Variants in CTSS observed in about 807,000 individuals in gnomAD.
The protein encoded by CTSS is cathepsin S.
In CTSS, 15 loss-of-function variants were observed where a neutral mutation model predicts 39.9. The observed-to-expected ratio is 0.38, with a 90% CI of 0.25 to 0.58. The LOEUF (loss-of-function observed/expected upper bound fraction) is 0.58, where lower values mean the gene tolerates loss of function less well. Ranked by LOEUF, CTSS falls within the 20% of genes least tolerant of loss-of-function variation. The pLI is 0.70. For synonymous variants in CTSS, 126 were observed against 138.2 expected (o/e 0.91, Z 0.62); for missense variants, 250 against 398.2 (o/e 0.63, Z 3.17).
Position 150,751,976 on chromosome 1 carries a change from A to G in CTSS, c.432T>C (p.Ala144=), listed in dbSNP as rs1323893112. 1 of 1,614,212 alleles carries G rather than the reference A, an allele frequency of 6.2e-7. No individual in the cohort carries two copies. Residue 144 remains alanine (A), a synonymous_variant, in exon 5 of 8, where the codon GCT becomes GCC. Transcript: ENST00000368985. Reference sequence around the variant, plus strand: ...TCAGCTGTGCTTCCAGGGCCCCCACAGCACTGAAAGCCCAGCAAGCACCAC... The same window carrying G: ...TCAGCTGTGCTTCCAGGGCCCCCACGGCACTGAAAGCCCAGCAAGCACCAC... ...GSCGACWAFS[A]VGALEAQLKL... is the part of the protein sequence containing the mutation.
At chr1:150,757,507 G>T (rs10888391) in intron 3 of CTSS, among the ~76,000 whole-genome samples, 1 of 151,724 alleles carries the variant, frequency 6.6e-6, no homozygotes, top group Non-Finnish European at 1.5e-5. Context: ...AAGCAGATGG[G>T]TCATACTAAA....
rs587741721 is a variant in CTSS at position 150,762,527 on chromosome 1, A to G, written c.126+2111T>C. 5.9e-5 allele frequency among the ~76,000 whole-genome samples: 9 copies of G among 152,284 alleles called. 1 individual carries two copies. The South Asian group carries it at 1.9e-3, about 32-fold the overall frequency. ...GGGAGAAAATATTTGCAAATCATAC[A>G]TTTGATAAGGGGCTAATATCCCAAA... On this transcript the variant is annotated intron_variant, in intron 2 of 7. Coordinates refer to ENST00000368985, the MANE Select transcript of CTSS (RefSeq NM_004079.5).
rs759407445 is a variant in CTSS, at chr1:150,758,819, CG to C, written c.127-840del. Among the ~76,000 whole-genome samples, 382 of 148,896 alleles carry C rather than the reference CG, an allele frequency of 2.6e-3. 1 individual carries two copies. The highest frequency in any genetic ancestry group is 4.2e-3 in the Non-Finnish European group (282 of 67,396). On this transcript the variant is annotated intron_variant, in intron 2 of 7. Transcript: ENST00000368985. ...CCCCTATCAGCCTCCCAAAGTCCTG[CG>C]ATTATTGGTGTAAGCCACCGCGCCC...
intron 4 of CTSS, among the ~76,000 whole-genome samples, chr1:150,753,171 T>A (rs903752281): frequency 3.3e-5 from 5 of 152,146 alleles, no homozygotes; most frequent in African/African-American, 1.2e-4. Context: ...TACTTCCTAA[T>A]AAATTTTTAC....
chr1:150,730,928 C>T lies in CTSS; in HGVS notation c.*2118G>A, dbSNP rs896870254. The T allele has an allele frequency of 7.9e-5, 12 of 151,986 alleles. No individual in the cohort carries two copies. The highest frequency in any genetic ancestry group is 1.9e-4 in the East Asian group (1 of 5,200). 9.4% of individuals were successfully genotyped at this position (151,986 alleles called of 1,614,324 possible). A position where few individuals can be genotyped will look rare whatever the true frequency, so the allele number is the denominator to read the frequency against. ...TTTTAACATTTTAATAACTGTATTT[C>T]GATATAATTAGATTCCTTTGTAATC... On this transcript the variant is annotated 3_prime_UTR_variant, in exon 8 of 8. Transcript: ENST00000368985.
At chr1:150,763,987 C>A (rs958448016) in intron 2 of CTSS, among the ~76,000 whole-genome samples, 2 of 152,064 alleles carry the variant, frequency 1.3e-5, no homozygotes, top group African/African-American at 4.8e-5. Flanking sequence ...ATCCGTGAGG[C>A]CTTCCCTAAC....
intron 4 of CTSS, 95 bp from the exon 5 acceptor site, chr1:150,752,103 C>G: frequency 7.9e-7 from 1 of 1,258,860 alleles, no homozygotes; most frequent in Non-Finnish European, 1.1e-6. Flanking sequence ...TACATCAGTT[C>G]TGTCCCTAGT....
At chr1:150,755,998 CTTCTA>C (rs1040014183) in intron 3 of CTSS, among the ~76,000 whole-genome samples, 2 of 152,076 alleles carry the variant, frequency 1.3e-5, no homozygotes, top group African/African-American at 4.8e-5. Context: ...AATGTTTTGT[CTTCTA>C]TGGTAACCCC....
At chr1:150,744,977 A>G (rs1369415736) in intron 7 of CTSS, among the ~76,000 whole-genome samples, 1 of 152,048 alleles carries the variant, frequency 6.6e-6, no homozygotes, top group Non-Finnish European at 1.5e-5. Flanking sequence ...TCAATAAGAT[A>G]TGAGGGAAAT....
intron 3 of CTSS, among the ~76,000 whole-genome samples, chr1:150,756,470 A>G (rs1297675599): frequency 2.0e-5 from 3 of 152,218 alleles, no homozygotes; most frequent in African/African-American, 7.2e-5. Flanking sequence ...CTATACTTTC[A>G]TACCACTGGC....
intron 7 of CTSS, among the ~76,000 whole-genome samples, chr1:150,735,380 C>A (rs913258580): frequency 5.9e-5 from 9 of 152,178 alleles, no homozygotes; most frequent in African/African-American, 1.9e-4. Flanking sequence ...CCTTACTGGT[C>A]TCTTGGCTTC....
chr1:150,754,232 C>A (rs978187273), intron 4 of CTSS, among the ~76,000 whole-genome samples: 1 of 149,874 alleles, frequency 6.7e-6, no homozygotes, highest in Non-Finnish European at 1.5e-5. Context: ...TCCTGCCTCA[C>A]CCTCCCGAGT....
intron 6 of CTSS, 76 bp downstream of exon 6, chr1:150,749,930 G>T: frequency 1.5e-6 from 2 of 1,293,314 alleles, no homozygotes; most frequent in Non-Finnish European, 2.1e-6. Context: ...AGAATTACAG[G>T]CATGAACCAC....
At chr1:150,749,869 G>C (rs897967324) in intron 6 of CTSS, 137 bp downstream of exon 6, 1 of 626,976 alleles carries the variant, frequency 1.6e-6, no homozygotes, top group African/African-American at 1.8e-5. Flanking sequence ...TGCTCAGGCT[G>C]GTGTCAAACT....
intron 7 of CTSS, among the ~76,000 whole-genome samples, chr1:150,734,030 CTT>C (rs1347618244): frequency 2.3e-4 from 32 of 141,994 alleles, no homozygotes; most frequent in Non-Finnish European, 2.6e-4. Flanking sequence ...GTATGGACAT[CTT>C]TTTTTTTTTT....
At chr1:150,760,332 AT>A (rs1240401898) in intron 2 of CTSS, among the ~76,000 whole-genome samples, 1 of 152,210 alleles carries the variant, frequency 6.6e-6, no homozygotes, top group East Asian at 1.9e-4. Context: ...TTCTCAACAA[AT>A]TACATATAGA....
rs1273588425 is a variant in CTSS, at chr1:150,747,828, A to G, written c.845T>C (p.Val282Ala). The stretch of plus-strand genomic sequence containing the variant: ...CCCATTAAGATCACCATAGCCAACC[A>G]CAAGTACACCATGATTCACATTCTG... ...CTQNVNHGVL[V>A]VGYGDLNGKE... The change falls in exon 7 of 8, where the codon GTG becomes GCG. Residue 282 changes from valine (V) to alanine (A), a missense_variant. Coordinates refer to ENST00000368985, the MANE Select transcript of CTSS (RefSeq NM_004079.5). 4 of 1,613,936 alleles carry G rather than the reference A, an allele frequency of 2.5e-6. No individual in the cohort carries two copies. Among genetic ancestry groups the G allele is most frequent in the Non-Finnish European group, 3.4e-6 (4 of 1,179,866 alleles).
At chr1:150,763,568 A>G (rs1653306605) in intron 2 of CTSS, among the ~76,000 whole-genome samples, 2 of 152,120 alleles carry the variant, frequency 1.3e-5, no homozygotes, top group East Asian at 1.9e-4. Flanking sequence ...AATAGACACA[A>G]TTATTATTTA....
intron 5 of CTSS, among the ~76,000 whole-genome samples, chr1:150,751,172 T>C (rs775326544): frequency 8.5e-5 from 13 of 152,158 alleles, no homozygotes; most frequent in Non-Finnish European, 1.6e-4. Context: ...GTTAATGATC[T>C]GAGAATAAGG....
Sources: allele counts gnomAD v4.1 joint callset (sites outside exome capture counted in the v4.1 genomes callset), GRCh38; gene constraint gnomAD v4.1.1; transcripts MANE v1.5; gene names NCBI Gene and HGNC (gene_info 2026-07-23, HGNC 2026-07-21).